DNAJB1: variants seen among roughly 807,000 people sequenced by gnomAD.
The protein encoded by DNAJB1 is dnaJ homolog subfamily B member 1.
A neutral mutation model predicts 24.0 loss-of-function variants in DNAJB1; 14 were observed. That is an observed-to-expected ratio of 0.58 (90% CI 0.39 to 0.91). The LOEUF (loss-of-function observed/expected upper bound fraction) is 0.91. DNAJB1 is among the 40% of genes least tolerant of loss of function. The pLI is 0.00. For synonymous variants in DNAJB1, 262 were observed against 174.4 expected, an observed-to-expected ratio of 1.50 and a Z score of -3.96; for missense variants, 517 against 458.1, an observed-to-expected ratio of 1.13 and a Z score of -1.17.
chr19:14,528,213 C>T (rs1485633289), intron 1 of DNAJB1, among the ~76,000 whole-genome samples: 1 of 150,392 alleles, frequency 6.6e-6, no homozygotes, highest in Non-Finnish European at 1.5e-5. Context: ...ATTTACAGCA[C>T]ATCTCAATTT....
chr19:14,529,606 G>C (rs377544418), upstream of DNAJB1: 64 of 1,597,846 alleles, frequency 4.0e-5, no homozygotes, highest in African/African-American at 2.7e-4. Context: ...TTAGTCTATC[G>C]CTGCGGTTGC....
At chr19:14,551,354 C>T (rs144333360), upstream of DNAJB1, among the ~76,000 whole-genome samples, 418 of 152,238 alleles carry the variant, frequency 2.7e-3, 4 homozygotes, top group African/African-American at 9.6e-3. Context: ...GGATTACAGG[C>T]GTGAGCCACT....
At position 14,515,117 on chromosome 19, in the gene DNAJB1, AG is replaced by A. The variant is rs1470307780; in HGVS notation, c.*822del. The A allele has an allele frequency of 6.6e-6, 1 of 152,624 alleles. No homozygotes were observed. The highest frequency in any genetic ancestry group is 1.5e-5 in the Non-Finnish European group (1 of 68,036). The allele number at this position is 152,624 out of a possible 1,614,324, so 9.5% of individuals were successfully genotyped here. ...TATCTAGGGCTGTGCAAAATTCAAA[AG>A]GATCAGATCCCTTTGAAAGAGTCCA... On this transcript the variant is annotated 3_prime_UTR_variant, in exon 3 of 3. Transcript: ENST00000254322.
chr19:14,529,637 G>T (rs142882191), upstream of DNAJB1: 2 of 1,613,438 alleles, frequency 1.2e-6, no homozygotes, highest in Non-Finnish European at 1.7e-6. Flanking sequence ...GGGAGCCTGT[G>T]CTGTGCCGCG....
upstream of DNAJB1, chr19:14,529,639 T>C (rs2072535958): frequency 6.2e-7 from 1 of 1,613,512 alleles, no homozygotes; most frequent in Non-Finnish European, 8.5e-7. Flanking sequence ...GAGCCTGTGC[T>C]GTGCCGCGCA....
intron 1 of DNAJB1, chr19:14,545,650 A>AG (rs892743218): frequency 2.1e-5 from 4 of 194,900 alleles, no homozygotes; most frequent in African/African-American, 9.4e-5. Context: ...CGACGCAGCA[A>AG]GGGGCACAGT....
At chr19:14,556,846 C>G (rs928111322) in intron 1 of DNAJB1, among the ~76,000 whole-genome samples, 1 of 152,156 alleles carries the variant, frequency 6.6e-6, no homozygotes, top group Non-Finnish European at 1.5e-5. Context: ...TGGGGAGCGT[C>G]GCAGCCTCCG....
chr19:14,536,966 G>A (rs2072920673), intron 1 of DNAJB1, among the ~76,000 whole-genome samples: 1 of 143,928 alleles, frequency 6.9e-6, no homozygotes, highest in Admixed American at 7.1e-5. Flanking sequence ...GGGAGGAGGG[G>A]CCGAGGAGGG....
intron 1 of DNAJB1, chr19:14,517,459 G>C (rs372003749): frequency 1.2e-5 from 2 of 167,578 alleles, no homozygotes; most frequent in Non-Finnish European, 2.6e-5. Flanking sequence ...AAAATAAATA[G>C]GGAGTTTTTA....
chr19:14,521,955 C>G (rs1255757124), upstream of DNAJB1, among the ~76,000 whole-genome samples: 1 of 151,072 alleles, frequency 6.6e-6, no homozygotes, highest in African/African-American at 2.4e-5. Flanking sequence ...TTTTTTTAAT[C>G]AGTTCTAGGA....
chr19:14,535,979 T>A (rs927902930), intron 1 of DNAJB1, among the ~76,000 whole-genome samples: 1 of 152,008 alleles, frequency 6.6e-6, no homozygotes, highest in African/African-American at 2.4e-5. Flanking sequence ...AGCTTTGTAC[T>A]TAGGCCATTT....
rs556793192 is a variant in DNAJB1 at position 14,518,167 on chromosome 19, G to T, written c.183C>A (p.Arg61=). The change falls in exon 1 of 3, where the codon CGC becomes CGA. Residue 61 remains arginine (R), a synonymous_variant. Coordinates refer to ENST00000254322, the MANE Select transcript of DNAJB1 (RefSeq NM_006145.3). ...AYDVLSDPRK[R]EIFDRYGEEG... The stretch of plus-strand genomic sequence containing the variant: ...CCTCCCCGTAGCGGTCGAAGATCTC[G>T]CGCTTGCGCGGGTCGCTGAGCACGT... 3 of 1,585,430 alleles carry T rather than the reference G, an allele frequency of 1.9e-6. No individual in the cohort carries two copies. Among genetic ancestry groups the T allele is most frequent in the Middle Eastern group, 3.4e-4 (2 of 5,944 alleles).
At chr19:14,531,154 C>A (rs2072637701), upstream of DNAJB1, 1 of 152,104 alleles carries the variant, frequency 6.6e-6, no homozygotes, top group Non-Finnish European at 1.5e-5. Flanking sequence ...CCTGCCTCAG[C>A]CTCCTGAATA....
upstream of DNAJB1, among the ~76,000 whole-genome samples, chr19:14,522,487 G>GAAAAAAAAA (rs60019206): frequency 3.4e-5 from 2 of 59,248 alleles, no homozygotes. Flanking sequence ...CTGTCTCGAA[G>GAAAAAAAAA]AAAAAAAAAA....
At chr19:14,524,839 CGTTCT>C in intron 2 of DNAJB1, among the ~76,000 whole-genome samples, 1 of 107,348 alleles carries the variant, frequency 9.3e-6, no homozygotes, top group African/African-American at 4.3e-5. Flanking sequence ...GAGCGAGACT[CGTTCT>C]CAAAAAAAAA....
chr19:14,559,424 C>T (rs2073839639), intron 1 of DNAJB1, among the ~76,000 whole-genome samples: 1 of 152,114 alleles, frequency 6.6e-6, no homozygotes, highest in African/African-American at 2.4e-5. Flanking sequence ...ACCTTTGTGT[C>T]TGGCTTGTTT....
intron 1 of DNAJB1, among the ~76,000 whole-genome samples, chr19:14,557,455 CT>C (rs1225148151): frequency 6.8e-6 from 1 of 146,680 alleles, no homozygotes; most frequent in Non-Finnish European, 1.5e-5. Flanking sequence ...CATATTTATT[CT>C]TTTTTTAAAT....
chr19:14,556,104 A>C (rs2073711687), intron 1 of DNAJB1, among the ~76,000 whole-genome samples: 1 of 152,176 alleles, frequency 6.6e-6, no homozygotes, highest in Non-Finnish European at 1.5e-5. Flanking sequence ...GCCGTGGCAC[A>C]GACCGCCACA....
At chr19:14,531,301 T>G (rs575708587), upstream of DNAJB1, 4 of 152,234 alleles carry the variant, frequency 2.6e-5, no homozygotes, top group East Asian at 7.7e-4. Context: ...CCTCCCAAAG[T>G]ACTGGGATTA....
Sources: allele counts gnomAD v4.1 joint callset (sites outside exome capture counted in the v4.1 genomes callset), GRCh38; gene constraint gnomAD v4.1.1; transcripts MANE v1.5; gene names NCBI Gene and HGNC (gene_info 2026-07-23, HGNC 2026-07-21).